Variants in LDLRAP1 observed in about 807,000 individuals in gnomAD.
LDLRAP1 encodes the protein low density lipoprotein receptor adapter protein 1.
In LDLRAP1, 30 loss-of-function variants were observed where a neutral mutation model predicts 37.8. That is an observed-to-expected ratio of 0.79 (90% CI 0.59 to 1.08). The LOEUF (loss-of-function observed/expected upper bound fraction) is 1.08. Among genes scored for constraint, LDLRAP1 ranks in the 50% least tolerant of loss-of-function variants. The pLI, the probability that LDLRAP1 is intolerant of heterozygous loss-of-function variation, is 0.00. For synonymous variants in LDLRAP1, 156 were observed against 169.8 expected (o/e 0.92, Z 0.63); for missense variants, 375 against 401.6 (o/e 0.93, Z 0.57).
At chr1:25,571,748 A>G (rs2124710885), downstream of LDLRAP1, among the ~76,000 whole-genome samples, 1 of 152,302 alleles carries the variant, frequency 6.6e-6, no homozygotes, top group Middle Eastern at 3.4e-3. Context: ...GAACTTCTGA[A>G]CCCAGCCCAG....
intron 1 of LDLRAP1, among the ~76,000 whole-genome samples, chr1:25,552,833 C>T (rs1171349219): frequency 1.3e-5 from 2 of 152,218 alleles, no homozygotes; most frequent in Admixed American, 6.5e-5. Context: ...GAGGCAGGCT[C>T]ATCCCCTTAT....
chr1:25,580,242 G>C, the LDLRAP1 span, among the ~76,000 whole-genome samples: 39 of 152,262 alleles, frequency 2.6e-4, no homozygotes, highest in African/African-American at 8.9e-4. Context: ...CTTCTGCATG[G>C]GAAGACAGAG....
At chr1:25,576,066 T>C in the LDLRAP1 span, among the ~76,000 whole-genome samples, 1 of 139,044 alleles carries the variant, frequency 7.2e-6, no homozygotes, top group African/African-American at 2.7e-5. Context: ...CCATCTCTAT[T>C]AAAAAAAAAA....
rs532623790 is a variant in LDLRAP1 at position 25,567,008 on chromosome 1, C to A, written c.*16C>A. 1 of 1,613,062 alleles carries A rather than the reference C, an allele frequency of 6.2e-7. No individual in the cohort carries two copies. The highest frequency in any genetic ancestry group is 1.1e-5 in the South Asian group (1 of 91,064). ...CAGCTTCTGAGGGCCCGGGGCCAGC[C>A]GGACACAAGCGGCCCTGACACGTGA... On this transcript the variant is annotated 3_prime_UTR_variant, in exon 9 of 9. Coordinates refer to ENST00000374338, the MANE Select transcript of LDLRAP1 (RefSeq NM_015627.3).
chr1:25,585,696 ACAT>A, the LDLRAP1 span, among the ~76,000 whole-genome samples: 1 of 152,138 alleles, frequency 6.6e-6, no homozygotes, highest in South Asian at 2.1e-4. Flanking sequence ...CTGTGCTCCG[ACAT>A]CCCAGCAGAC....
rs918927544 is a variant in LDLRAP1 at position 25,543,769 on chromosome 1, G to A, written c.71G>A (p.Gly24Asp). Reference protein sequence around the residue: ...SPSLAKQSWGGGGRHRKLPEN... With the variant: ...SPSLAKQSWGDGGRHRKLPEN... ...AGCTTGGCCAAGCAGAGCTGGGGGG[G>A]CGGTGGCCGGCACCGCAGTGAGTGT... The change falls in exon 1 of 9, where the codon GGC becomes GAC. Residue 24 changes from glycine to aspartate, a missense_variant. Gly to Asp is a moderately conservative substitution (Grantham distance 94). Transcript: ENST00000374338. 8.3e-7 allele frequency: 1 copy of A among 1,209,174 alleles called. No homozygotes were observed. 74.9% of individuals were successfully genotyped at this position (1,209,174 alleles called of 1,614,324 possible). A position where few individuals can be genotyped will look rare whatever the true frequency, so the allele number is the denominator to read the frequency against.
chr1:25,552,114 G>C (rs556330443), intron 1 of LDLRAP1, among the ~76,000 whole-genome samples: 1 of 152,300 alleles, frequency 6.6e-6, no homozygotes, highest in South Asian at 2.1e-4. Context: ...AGGGGGACCA[G>C]AGCCCCTGGA....
the LDLRAP1 span, among the ~76,000 whole-genome samples, chr1:25,589,328 G>GAAAGAAAGAAAGAAAGAAAGAAAGAAAT: frequency 6.6e-6 from 1 of 151,908 alleles, no homozygotes; most frequent in African/African-American, 2.4e-5. Flanking sequence ...AAGAAAGAAA[G>GAAAGAAAGAAAGAAAGAAAGAAAGAAAT]AAATATATCA....
At position 25,553,932 on chromosome 1, in the gene LDLRAP1, G is replaced by A. The variant is rs2044137686; in HGVS notation, c.99G>A (p.Glu33=). The A allele has an allele frequency of 1.2e-6, 2 of 1,613,876 alleles. No individual in the cohort carries two copies. The highest frequency in any genetic ancestry group is 1.7e-6 in the Non-Finnish European group (2 of 1,179,986). ...GGGGRHRKLP[E]NWTDTRETLL... is the part of the protein sequence containing the mutation. ...CCTGTGCTACCCCAGAGCTGCCTGA[G>A]AACTGGACAGACACGCGGGAGACGC... Residue 33 remains glutamate (E), a synonymous_variant, in exon 2 of 9, where the codon GAG becomes GAA. Coordinates refer to ENST00000374338, the MANE Select transcript of LDLRAP1 (RefSeq NM_015627.3).
chr1:25,574,284 G>C, the LDLRAP1 span, among the ~76,000 whole-genome samples: 1 of 152,234 alleles, frequency 6.6e-6, no homozygotes, highest in Non-Finnish European at 1.5e-5. Context: ...GCAAGGCTCA[G>C]ACCTGCTGTG....
At chr1:25,561,426 TA>T (rs1327400623) in intron 4 of LDLRAP1, among the ~76,000 whole-genome samples, 3 of 152,336 alleles carry the variant, frequency 2.0e-5, no homozygotes, top group African/African-American at 7.2e-5. Context: ...GAATTTTAAA[TA>T]TTTTTTTAAA....
intron 4 of LDLRAP1, 62 bp downstream of exon 4, chr1:25,557,329 G>A (rs74060931): frequency 4.5e-6 from 6 of 1,337,092 alleles, no homozygotes; most frequent in South Asian, 3.5e-5. Context: ...TGCTCTGGGT[G>A]GGGGGCTGTC....
chr1:25,559,833 C>T (rs1316414104), intron 4 of LDLRAP1, among the ~76,000 whole-genome samples: 2 of 152,206 alleles, frequency 1.3e-5, no homozygotes, highest in Non-Finnish European at 2.9e-5. Flanking sequence ...CTGCTGGCAG[C>T]TCCGCCACAG....
intron 6 of LDLRAP1, 131 bp downstream of exon 6, chr1:25,563,284 C>A: frequency 1.5e-6 from 1 of 680,832 alleles, no homozygotes. Context: ...ATAAATAATA[C>A]ACGTTCATTA....
chr1:25,547,180 G>A (rs2043954675), intron 1 of LDLRAP1, among the ~76,000 whole-genome samples: 2 of 152,064 alleles, frequency 1.3e-5, no homozygotes, highest in African/African-American at 2.4e-5. Context: ...CCACAAAGTG[G>A]GCATTATAAA....
chr1:25,582,412 C>T, the LDLRAP1 span, among the ~76,000 whole-genome samples: 10 of 151,990 alleles, frequency 6.6e-5, no homozygotes, highest in South Asian at 2.1e-4. Flanking sequence ...CGGTGAAACC[C>T]CGTCTCTACT....
At chr1:25,549,981 T>C (rs929093144) in intron 1 of LDLRAP1, 2 of 152,298 alleles carry the variant, frequency 1.3e-5, no homozygotes, top group Admixed American at 6.5e-5. Context: ...GACGGCCACA[T>C]TGGGCAGGCG....
chr1:25,557,514 C>G (rs2044236018), intron 4 of LDLRAP1: 1 of 572,662 alleles, frequency 1.7e-6, no homozygotes, highest in South Asian at 2.0e-5. Context: ...CAGTGTGTGT[C>G]TGGGCCTGTT....
chr1:25,554,196 A>C lies in LDLRAP1; in HGVS notation c.231+132A>C. On this transcript the variant is annotated intron_variant, in intron 2 of 8. Coordinates refer to ENST00000374338, the MANE Select transcript of LDLRAP1 (RefSeq NM_015627.3). The surrounding 1 kb of genome is among the most constrained non-coding windows in gnomAD (Gnocchi z 5.4). Reference sequence around the variant, plus strand: ...TGGCCCTGCCCTTCATTCTCCTTCCATCCAGCTTTTGGGCCTTGGCAGAGG... The same window carrying C: ...TGGCCCTGCCCTTCATTCTCCTTCCCTCCAGCTTTTGGGCCTTGGCAGAGG... 8.4e-7 allele frequency: 1 copy of C among 1,183,718 alleles called. No individual in the cohort carries two copies. The highest frequency in any genetic ancestry group is 2.5e-5 in the East Asian group (1 of 40,036). 73.3% of individuals were successfully genotyped at this position (1,183,718 alleles called of 1,614,324 possible).
Sources: allele counts gnomAD v4.1 joint callset (sites outside exome capture counted in the v4.1 genomes callset), GRCh38; gene constraint gnomAD v4.1.1; non-coding constraint Gnocchi (gnomAD v3.1); transcripts MANE v1.5; gene names NCBI Gene and HGNC (gene_info 2026-07-23, HGNC 2026-07-21).